WDR88: variants seen among roughly 807,000 people sequenced by gnomAD.
WDR88 encodes the protein WD repeat-containing protein 88.
In WDR88, 40 loss-of-function variants were observed where a neutral mutation model predicts 46.8. The observed-to-expected ratio is 0.86, with a 90% CI of 0.66 to 1.11. WDR88 has a LOEUF of 1.11. Ranked by LOEUF, WDR88 falls within the 50% of genes most tolerant of loss-of-function variation. The probability of loss-of-function intolerance (pLI) is 0.00; values close to 1 mark genes in which losing one functional copy is unlikely to be tolerated. For missense variants in WDR88, 562 were observed against 602.4 expected (o/e 0.93, Z 0.70); for synonymous variants, 235 against 240.7 (o/e 0.98, Z 0.22).
chr19:33,154,147 T>A (rs752549760), intron 6 of WDR88, among the ~76,000 whole-genome samples: 1 of 152,108 alleles, frequency 6.6e-6, no homozygotes, highest in Non-Finnish European at 1.5e-5. Flanking sequence ...GAAATGAGAG[T>A]CCATAGAGAT....
At chr19:33,169,844 A>G (rs1974009030) in intron 9 of WDR88, among the ~76,000 whole-genome samples, 2 of 152,136 alleles carry the variant, frequency 1.3e-5, no homozygotes, top group African/African-American at 2.4e-5. Context: ...GGTATAGGCT[A>G]TATCTATCTA....
At chr19:33,170,442 T>C (rs986197885) in intron 9 of WDR88, among the ~76,000 whole-genome samples, 2 of 150,304 alleles carry the variant, frequency 1.3e-5, no homozygotes, top group African/African-American at 2.4e-5. Flanking sequence ...GGCCTCCCAA[T>C]GTGCTAGGAT....
intron 2 of WDR88, among the ~76,000 whole-genome samples, chr19:33,139,055 T>C (rs932749477): frequency 2.0e-5 from 3 of 152,140 alleles, no homozygotes; most frequent in Non-Finnish European, 4.4e-5. Flanking sequence ...CTGGGTCTCC[T>C]TCTCATCTGG....
chr19:33,147,018 G>A lies in WDR88; in HGVS notation c.477-627G>A, dbSNP rs10424528. ...TCTGGGAGGCTGAGGTGGGAGGATC[G>A]CTTGAGGCCAGGAGAGACCAGCCTG... On this transcript the variant is annotated intron_variant, in intron 3 of 10. Coordinates refer to ENST00000355868, the MANE Select transcript of WDR88 (RefSeq NM_173479.4). 4.0e-3 allele frequency among the ~76,000 whole-genome samples: 599 copies of A among 150,362 alleles called. 6 individuals are homozygous for A. Among genetic ancestry groups the A allele is most frequent in the African/African-American group, 0.014 (573 of 40,900 alleles).
In WDR88 at chr19:33,175,644, T is replaced by A; in HGVS notation, c.*72T>A. ...GTAGGTTTCGGGGCTTTGCAGGGGC[T>A]TTCTCTTGGGCCCCTCCCAGGCTCA... is the stretch of plus-strand genomic sequence containing the variant. On this transcript the variant is annotated 3_prime_UTR_variant, in exon 11 of 11. Coordinates refer to ENST00000355868, the MANE Select transcript of WDR88 (RefSeq NM_173479.4). The A allele has an allele frequency of 6.4e-7, 1 of 1,567,724 alleles. No individual in the cohort carries two copies. Among genetic ancestry groups the A allele is most frequent in the Non-Finnish European group, 8.7e-7 (1 of 1,149,040 alleles).
intron 9 of WDR88, among the ~76,000 whole-genome samples, chr19:33,166,453 G>A (rs1227444877): frequency 6.6e-6 from 1 of 151,840 alleles, no homozygotes; most frequent in East Asian, 1.9e-4. Flanking sequence ...ATAGTGATAT[G>A]AGCCTATATT....
At chr19:33,141,602 A>G (rs951273847) in intron 2 of WDR88, among the ~76,000 whole-genome samples, 1 of 152,092 alleles carries the variant, frequency 6.6e-6, no homozygotes, top group Non-Finnish European at 1.5e-5. Flanking sequence ...GATGAAGAAT[A>G]TTTTTCCCAG....
rs139620581 is a variant in WDR88, at chr19:33,139,458, G to A, written c.387+1671G>A. Among the ~76,000 whole-genome samples the A allele has an allele frequency of 3.3e-5, 5 of 152,308 alleles. No individual in the cohort carries two copies. The East Asian group carries it at 9.7e-4, about 29-fold the overall frequency. ...TGAGTTTTGCAGCATCTGGCTTCAG[G>A]GACAGGAGTGGAGGGAGTTGAGGCT... On this transcript the variant is annotated intron_variant, in intron 2 of 10. Transcript: ENST00000355868.
chr19:33,165,469 C>T (rs1333671685), intron 9 of WDR88, among the ~76,000 whole-genome samples: 1 of 152,074 alleles, frequency 6.6e-6, no homozygotes, highest in Non-Finnish European at 1.5e-5. Flanking sequence ...TGAAATTATA[C>T]ATTATTTTAT....
At chr19:33,135,056 TGG>T (rs922291230) in intron 1 of WDR88, among the ~76,000 whole-genome samples, 7 of 19,632 alleles carry the variant, frequency 3.6e-4, no homozygotes, top group Non-Finnish European at 5.6e-4. Context: ...GGTGGGTGGG[TGG>T]GGGGGGTGAC....
rs1207849205 is a variant in WDR88 at position 33,156,363 on chromosome 19, C to G, written c.818C>G (p.Ser273Cys). Residue 273 changes from serine to cysteine, a missense_variant, in exon 7 of 11, where the codon TCC becomes TGC. Transcript: ENST00000355868. ...ATLLTITKAHSNAISNCCFTF... is the reference protein window; with the variant it reads ...ATLLTITKAHCNAISNCCFTF... The stretch of plus-strand genomic sequence containing the variant: ...CACCATCTGTGTTTCAGGGCACATT[C>G]CAATGCAATCTCAAACTGCTGTTTT... 1 of 1,613,950 alleles carries G rather than the reference C, an allele frequency of 6.2e-7. No individual in the cohort carries two copies. Among genetic ancestry groups the G allele is most frequent in the Non-Finnish European group, 8.5e-7 (1 of 1,179,956 alleles).
rs543232411 is a variant in WDR88, at chr19:33,145,043, C to A, written c.476+111C>A. 31 of 1,011,334 alleles carry A rather than the reference C, an allele frequency of 3.1e-5. No homozygotes were observed. In the African/African-American group the frequency reaches 5.0e-4, roughly 16 times the overall value. The allele number at this position is 1,011,334 out of a possible 1,614,324, so 62.6% of individuals were successfully genotyped here. On this transcript the variant is annotated intron_variant, in intron 3 of 10. Coordinates refer to ENST00000355868, the MANE Select transcript of WDR88 (RefSeq NM_173479.4). ...GTTTTAAGTAATAGATATGGGGTCT[C>A]ACCATGTGGCCTAAGCTGGTCTCGA...
At chr19:33,160,583 G>A (rs1279856714) in intron 8 of WDR88, 87 bp downstream of exon 8, 3 of 1,409,020 alleles carry the variant, frequency 2.1e-6, no homozygotes, top group East Asian at 2.3e-5. Context: ...GGACACAGCT[G>A]TGAGTGACAC....
chr19:33,138,831 C>T (rs1973332185), intron 2 of WDR88, among the ~76,000 whole-genome samples: 1 of 151,802 alleles, frequency 6.6e-6, no homozygotes. Flanking sequence ...TACAGAGGCA[C>T]GCCACCATGC....
At chr19:33,148,118 C>G (rs531399739) in intron 4 of WDR88, among the ~76,000 whole-genome samples, 13 of 152,108 alleles carry the variant, frequency 8.5e-5, no homozygotes, top group African/African-American at 2.7e-4. Context: ...CATGTGCCCC[C>G]AAGAACCAGG....
chr19:33,174,964 G>C lies in WDR88; in HGVS notation c.1243-432G>C. The C allele has an allele frequency of 6.1e-6, 6 of 985,398 alleles. No individual in the cohort carries two copies. The South Asian group carries it at 2.3e-4, about 39-fold the overall frequency. The allele number at this position is 985,398 out of a possible 1,614,324, so 61.0% of individuals were successfully genotyped here. On this transcript the variant is annotated intron_variant, in intron 10 of 10. Coordinates refer to ENST00000355868, the MANE Select transcript of WDR88 (RefSeq NM_173479.4). ...AGATTCCAGAGAGGGGCTGCGCCCAGTGGCTCACGCCTGTAATCCCAGCAC... is the reference window on the plus strand; with the variant it reads ...AGATTCCAGAGAGGGGCTGCGCCCACTGGCTCACGCCTGTAATCCCAGCAC...
At position 33,132,503 on chromosome 19, in the gene WDR88, C is replaced by T. The variant is rs1384458955; in HGVS notation, c.276+58C>T. The T allele has an allele frequency of 8.2e-6, 13 of 1,588,414 alleles. No individual in the cohort carries two copies. In the Admixed American group the frequency reaches 2.1e-4, roughly 25 times the overall value. Reference sequence around the variant, plus strand: ...GCCTGTTCCCCACACGGGAGGAAGGCGCTCGAGCTGTCGGGGGACCCATGG... The same window carrying T: ...GCCTGTTCCCCACACGGGAGGAAGGTGCTCGAGCTGTCGGGGGACCCATGG... On this transcript the variant is annotated intron_variant, in intron 1 of 10. Coordinates refer to ENST00000355868, the MANE Select transcript of WDR88 (RefSeq NM_173479.4).
rs748500329 is a variant in WDR88, at chr19:33,137,812, C to T, written c.387+25C>T. On this transcript the variant is annotated intron_variant, in intron 2 of 10. Coordinates refer to ENST00000355868, the MANE Select transcript of WDR88 (RefSeq NM_173479.4). ...GGTAGGTGGCCGGCTGTTAGGTACT[C>T]CTGGAGCGAAAACCTTTCCTAAGCT... The T allele has an allele frequency of 3.7e-6, 6 of 1,601,232 alleles. No homozygotes were observed. In the East Asian group the frequency reaches 8.9e-5, roughly 24 times the overall value.
At chr19:33,157,239 G>A (rs1381757350) in intron 7 of WDR88, among the ~76,000 whole-genome samples, 1 of 150,818 alleles carries the variant, frequency 6.6e-6, no homozygotes, top group Non-Finnish European at 1.5e-5. Flanking sequence ...GCTCATGCCT[G>A]TAATCCCAGC....
Sources: allele counts gnomAD v4.1 joint callset (sites outside exome capture counted in the v4.1 genomes callset), GRCh38; gene constraint gnomAD v4.1.1; transcripts MANE v1.5; gene names NCBI Gene and HGNC (gene_info 2026-07-23, HGNC 2026-07-21).